The following SMARCA2 variants were observed in gnomAD, a reference collection of about 807,000 sequenced individuals.
The protein encoded by SMARCA2 is SWI/SNF related BAF chromatin remodeling complex subunit ATPase 2.
SMARCA2 carries 61 observed loss-of-function variants against 199.8 expected under a neutral mutation model. The observed-to-expected ratio is 0.31, with a 90% CI of 0.25 to 0.38. The LOEUF is 0.38. Among genes scored for constraint, SMARCA2 ranks in the 10% least tolerant of loss-of-function variants. The probability of loss-of-function intolerance (pLI) is 1.00; values close to 1 mark genes in which losing one functional copy is unlikely to be tolerated. For missense variants in SMARCA2, 1,344 were observed against 2,012.2 expected, an observed-to-expected ratio of 0.67 and a Z score of 6.35; for synonymous variants, 935 against 732.0, an observed-to-expected ratio of 1.28 and a Z score of -4.48.
chr9:2,072,893 G>T lies in SMARCA2; in HGVS notation c.1747-319G>T, dbSNP rs138274401. 3.9e-3 allele frequency among the ~76,000 whole-genome samples: 591 copies of T among 152,324 alleles called. 6 individuals are homozygous for T. The highest frequency in any genetic ancestry group is 4.8e-3 in the Admixed American group (74 of 15,304). ...CCGCTTTCCTGGCATTGTTGCCACT[G>T]TGGTCTGCCCTGCACCGGTGCACCT... On this transcript the variant is annotated intron_variant, in intron 10 of 33. Transcript: ENST00000349721.
In SMARCA2 at chr9:2,119,936, G is replaced by C. The variant is rs1292832677; in HGVS notation, c.3762+401G>C. ...CCAGTTCGTTTCTAATCCCAGGCCAGTGTCATTCAGGAAGCCTACCTGGCT... is the reference window on the plus strand; with the variant it reads ...CCAGTTCGTTTCTAATCCCAGGCCACTGTCATTCAGGAAGCCTACCTGGCT... On this transcript the variant is annotated intron_variant, in intron 26 of 33. Transcript: ENST00000349721. The surrounding 1 kb of genome is among the most constrained non-coding windows in gnomAD (Gnocchi z 4.6). Among the ~76,000 whole-genome samples the C allele has an allele frequency of 6.6e-6, 1 of 152,206 alleles. No individual in the cohort carries two copies. Among genetic ancestry groups the C allele is most frequent in the Non-Finnish European group, 1.5e-5 (1 of 68,036 alleles).
chr9:2,092,117 A>G (rs1822087379), intron 19 of SMARCA2, among the ~76,000 whole-genome samples: 2 of 152,110 alleles, frequency 1.3e-5, no homozygotes, highest in African/African-American at 4.8e-5. Context: ...ATAAAAATTG[A>G]TTTTTCTATT....
chr9:2,126,572 C>A (rs752649309), intron 27 of SMARCA2, among the ~76,000 whole-genome samples: 3 of 152,246 alleles, frequency 2.0e-5, no homozygotes, highest in Non-Finnish European at 4.4e-5. Flanking sequence ...TATGATTTAA[C>A]ACATTGCATG....
At chr9:2,102,802 C>T (rs985224650) in intron 22 of SMARCA2, among the ~76,000 whole-genome samples, 13 of 152,122 alleles carry the variant, frequency 8.5e-5, no homozygotes, top group African/African-American at 3.1e-4. Context: ...TCATCACTCC[C>T]CTGCCTAAAA....
intron 2 of SMARCA2, 68 bp from the exon 3 acceptor site, chr9:2,032,884 C>T: frequency 6.8e-7 from 1 of 1,468,168 alleles, no homozygotes; most frequent in South Asian, 1.3e-5. Flanking sequence ...AGGAAGGGGT[C>T]TGAAAACTCC....
Position 2,169,572 on chromosome 9 carries a change from A to C in SMARCA2, c.4200-847A>C, listed in dbSNP as rs994607627. ...CCTCTCTGCAACACCCCGACCCCACACTGACTCTAGAGCAGAATGGGGCAG... is the reference window on the plus strand; with the variant it reads ...CCTCTCTGCAACACCCCGACCCCACCCTGACTCTAGAGCAGAATGGGGCAG... On this transcript the variant is annotated intron_variant, in intron 28 of 33. Coordinates refer to ENST00000349721, the MANE Select transcript of SMARCA2 (RefSeq NM_003070.5). This position sits in a 1 kb window ranked among gnomAD's most constrained non-coding sequence, Gnocchi z 6.5. Among the ~76,000 whole-genome samples, 1 of 152,036 alleles carries C rather than the reference A, an allele frequency of 6.6e-6. No homozygotes were observed. Among genetic ancestry groups the C allele is most frequent in the Non-Finnish European group, 1.5e-5 (1 of 68,022 alleles).
chr9:2,111,511 GAAAA>G (rs1823003038), intron 24 of SMARCA2, among the ~76,000 whole-genome samples: 1 of 138,068 alleles, frequency 7.2e-6, no homozygotes, highest in South Asian at 2.4e-4. Context: ...AAAAAAAAAA[GAAAA>G]GCAAAAAGAA....
At chr9:2,087,963 AGG>A (rs1019887954) in intron 18 of SMARCA2, among the ~76,000 whole-genome samples, 5 of 152,198 alleles carry the variant, frequency 3.3e-5, no homozygotes, top group African/African-American at 1.2e-4. Context: ...TGAACTAGAT[AGG>A]GCTGAGAAAA....
At chr9:2,033,212 A>G (rs1256708271) in intron 3 of SMARCA2, 131 bp downstream of exon 3, 1 of 960,746 alleles carries the variant, frequency 1.0e-6, no homozygotes, top group Non-Finnish European at 1.5e-6. Flanking sequence ...TCTTTTCCTT[A>G]TGGAAATCTA....
chr9:2,116,686 G>T (rs181373619), intron 25 of SMARCA2, among the ~76,000 whole-genome samples: 13 of 152,326 alleles, frequency 8.5e-5, no homozygotes, highest in Non-Finnish European at 1.8e-4. Flanking sequence ...ATGTTGAGTT[G>T]TCATTTGTAT....
chr9:2,137,171 A>C (rs1824232149), intron 27 of SMARCA2, among the ~76,000 whole-genome samples: 1 of 152,202 alleles, frequency 6.6e-6, no homozygotes, highest in Non-Finnish European at 1.5e-5. Flanking sequence ...TTAGGTGCCA[A>C]AGTAATAAGG....
At position 2,182,083 on chromosome 9, in the gene SMARCA2, G is replaced by T. The variant is rs546946943; in HGVS notation, c.4360-58G>T. The T allele has an allele frequency of 2.0e-5, 22 of 1,091,242 alleles. No individual in the cohort carries two copies. The Admixed American group carries it at 3.2e-4, about 16-fold the overall frequency. The allele number at this position is 1,091,242 out of a possible 1,614,324, so 67.6% of individuals were successfully genotyped here. On this transcript the variant is annotated intron_variant, in intron 30 of 33. Coordinates refer to ENST00000349721, the MANE Select transcript of SMARCA2 (RefSeq NM_003070.5). The stretch of plus-strand genomic sequence containing the variant: ...AATCAGGCTTTGTTAACTAAGTAAT[G>T]ATCGCTGAATTTTCCTCTCCCTCTT...
intron 29 of SMARCA2, among the ~76,000 whole-genome samples, chr9:2,172,093 C>G (rs937429857): frequency 7.9e-5 from 12 of 152,176 alleles, no homozygotes. Flanking sequence ...CTGTCTGTCA[C>G]ACACACTTCC....
chr9:2,158,912 G>A (rs1193584085), intron 27 of SMARCA2: 2 of 1,608,748 alleles, frequency 1.2e-6, no homozygotes, highest in East Asian at 2.2e-5. Context: ...GGGTCTTTGG[G>A]GAGGAGGGAA....
chr9:2,090,667 C>T (rs1822015262), intron 19 of SMARCA2, among the ~76,000 whole-genome samples: 1 of 152,170 alleles, frequency 6.6e-6, no homozygotes, highest in African/African-American at 2.4e-5. Flanking sequence ...GTTGCTGTCT[C>T]TGTTATTAAT....
rs192606736 is a variant in SMARCA2, at chr9:2,036,786, G to A, written c.356-2680G>A. On this transcript the variant is annotated intron_variant, in intron 3 of 33. Transcript: ENST00000349721. ...TTTGTATTGATTTTCCAGTGACCAG[G>A]TTCTTTTTTTCAGTTTGAATTCTTA... 3.2e-3 allele frequency among the ~76,000 whole-genome samples: 486 copies of A among 152,162 alleles called. 1 individual carries two copies. The highest frequency in any genetic ancestry group is 0.011 in the African/African-American group (465 of 41,500).
At chr9:2,101,462 ATTTTG>A (rs1168326571) in intron 21 of SMARCA2, 103 bp from the exon 22 acceptor site, 4 of 548,300 alleles carry the variant, frequency 7.3e-6, no homozygotes, top group African/African-American at 4.0e-5. Context: ...TTCATTAATT[ATTTTG>A]TTTTAACTAT....
intron 27 of SMARCA2, among the ~76,000 whole-genome samples, chr9:2,154,378 TAGAC>T (rs1164851180): frequency 3.9e-5 from 6 of 152,352 alleles, no homozygotes; most frequent in East Asian, 1.9e-4. Context: ...TTTTCTATAT[TAGAC>T]AGCCTCAAAC....
chr9:2,051,847 C>A (rs1820132869), intron 5 of SMARCA2, among the ~76,000 whole-genome samples: 1 of 151,538 alleles, frequency 6.6e-6, no homozygotes, highest in Non-Finnish European at 1.5e-5. Context: ...TTATATATTT[C>A]AAAAAAAATC....
Sources: gnomAD v4.1 joint callset for allele counts (sites outside exome capture counted in the v4.1 genomes callset) on GRCh38, gnomAD v4.1.1 for gene constraint, Gnocchi (gnomAD v3.1) non-coding constraint, MANE v1.5 for transcripts, NCBI Gene and HGNC (gene_info 2026-07-23, HGNC 2026-07-21) for gene names.